Variants in IGF2R observed in about 807,000 individuals in gnomAD.
The protein encoded by IGF2R is insulin like growth factor 2 receptor.
A neutral mutation model predicts 270.6 loss-of-function variants in IGF2R; 91 were observed. The observed-to-expected ratio is 0.34, with a 90% CI of 0.28 to 0.40. The LOEUF is 0.40. Among genes scored for constraint, IGF2R ranks in the 10% least tolerant of loss-of-function variants. The pLI is 1.00. For missense variants in IGF2R, 2,805 were observed against 3,188.3 expected, an observed-to-expected ratio of 0.88 and a Z score of 2.90; for synonymous variants, 1,316 against 1,258.9, an observed-to-expected ratio of 1.05 and a Z score of -0.96.
chr6:160,073,093 A>G (rs1428805106), intron 33 of IGF2R, 120 bp from the exon 34 acceptor site: 1 of 1,428,050 alleles, frequency 7.0e-7, no homozygotes, highest in African/African-American at 1.4e-5. Flanking sequence ...GCCGGATTGG[A>G]CACTTGAAGT....
intron 4 of IGF2R, among the ~76,000 whole-genome samples, chr6:160,012,919 G>A (rs1413644477): frequency 5.9e-5 from 9 of 151,566 alleles, no homozygotes. Context: ...GAGCCCCTGC[G>A]CCTGGCCCCA....
chr6:160,053,997 G>C (rs184377302), intron 19 of IGF2R, among the ~76,000 whole-genome samples: 1 of 152,232 alleles, frequency 6.6e-6, no homozygotes, highest in Non-Finnish European at 1.5e-5. Context: ...GGGATTATAG[G>C]TATGAGCCAC....
At chr6:159,980,604 G>A in intron 1 of IGF2R, among the ~76,000 whole-genome samples, 1 of 152,182 alleles carries the variant, frequency 6.6e-6, no homozygotes, top group East Asian at 1.9e-4. Context: ...CACCTGATTG[G>A]CCTTTGTGAG....
chr6:160,030,936 A>G (rs1194583723), intron 7 of IGF2R, among the ~76,000 whole-genome samples: 1 of 150,662 alleles, frequency 6.6e-6, no homozygotes, highest in Admixed American at 6.6e-5. Flanking sequence ...CAATCCTCCC[A>G]CTTCAAGCAA....
chr6:159,977,353 G>T (rs940566658), intron 1 of IGF2R, among the ~76,000 whole-genome samples: 1 of 152,204 alleles, frequency 6.6e-6, no homozygotes, highest in Admixed American at 6.5e-5. Context: ...GTGCAGCTGC[G>T]TGGGGTAGGG....
Position 160,056,529 on chromosome 6 carries a change from C to T in IGF2R, c.2796+4C>T, listed in dbSNP as rs754452221. The T allele has an allele frequency of 1.6e-5, 25 of 1,592,562 alleles. No individual in the cohort carries two copies. Among genetic ancestry groups the T allele is most frequent in the East Asian group, 4.5e-5 (2 of 44,778 alleles). ...GACAACGACGGATACAGACCAGGTA[C>T]GTGTGCTTTCACCTGGCCCTCGTGC... On this transcript the variant is annotated splice_donor_region_variant and intron_variant, in intron 20 of 47. Transcript: ENST00000356956.
rs182060649 is a variant in IGF2R at position 160,096,097 on chromosome 6, C to T, written c.6656-342C>T. The stretch of plus-strand genomic sequence containing the variant: ...TCCTTGATTTGCATATTTAAAGTTC[C>T]TAAAATTGTAGCTTTTCCCTTCTTT... On this transcript the variant is annotated intron_variant, in intron 44 of 47. Transcript: ENST00000356956. The T allele has an allele frequency of 3.5e-3, 644 of 182,266 alleles. 3 individuals are homozygous for T. Among genetic ancestry groups the T allele is most frequent in the Admixed American group, 6.0e-3 (97 of 16,182 alleles). 11.3% of individuals were successfully genotyped at this position (182,266 alleles called of 1,614,324 possible).
chr6:160,024,519 C>T lies in IGF2R; in HGVS notation c.514-53C>T, dbSNP rs918367052. The stretch of plus-strand genomic sequence containing the variant: ...TGTGTGACATTGGTCATAAGCTTTT[C>T]TGATTGACCAAGATGTATACTGAAG... On this transcript the variant is annotated intron_variant, in intron 4 of 47. Transcript: ENST00000356956. 2.5e-6 allele frequency: 4 copies of T among 1,574,242 alleles called. No individual in the cohort carries two copies. In the African/African-American group the frequency reaches 5.4e-5, roughly 21 times the overall value.
chr6:159,997,149 C>T (rs573861128), intron 2 of IGF2R, among the ~76,000 whole-genome samples: 1 of 152,342 alleles, frequency 6.6e-6, no homozygotes, highest in Admixed American at 6.5e-5. Context: ...AGGCCACAAG[C>T]CATGCTCCTG....
rs1473386842 is a variant in IGF2R at position 160,060,847 on chromosome 6, A to C, written c.3262+130A>C. The C allele has an allele frequency of 2.4e-5, 19 of 777,702 alleles. No homozygotes were observed. The South Asian group carries it at 3.4e-4, about 14-fold the overall frequency. The allele number at this position is 777,702 out of a possible 1,614,324, so 48.2% of individuals were successfully genotyped here. On this transcript the variant is annotated intron_variant, in intron 23 of 47. Transcript: ENST00000356956. ...GGTGTGTATGCTTGGTTATGCAGGC[A>C]GCGTGACATTTCTGTTATATATTCT...
In IGF2R at chr6:160,048,351, A is replaced by G. The variant is rs778018715; in HGVS notation, c.2346-24A>G. The G allele has an allele frequency of 3.7e-6, 6 of 1,610,440 alleles. No homozygotes were observed. The Admixed American group carries it at 5.0e-5, about 13-fold the overall frequency. On this transcript the variant is annotated intron_variant, in intron 17 of 47. Coordinates refer to ENST00000356956, the MANE Select transcript of IGF2R (RefSeq NM_000876.4). Reference sequence around the variant, plus strand: ...AAATGTGTAAGCTCTTTAAAAGCATATACATTTTGCTTTGAAATTTTAGTC... The same window carrying G: ...AAATGTGTAAGCTCTTTAAAAGCATGTACATTTTGCTTTGAAATTTTAGTC...
At position 160,027,242 on chromosome 6, in the gene IGF2R, G is replaced by A. The variant is rs1346850204; in HGVS notation, c.704G>A (p.Cys235Tyr). The A allele has an allele frequency of 6.2e-7, 1 of 1,614,256 alleles. No homozygotes were observed. The highest frequency in any genetic ancestry group is 8.5e-7 in the Non-Finnish European group (1 of 1,180,054). Reference protein sequence around the residue: ...LRACPPGTAACLVRGHQAFDV... With the variant: ...LRACPPGTAAYLVRGHQAFDV... ...GCCTGTCCCCCCGGCACTGCCGCCT[G>A]CCTGGTAAGAGGACACCAGGCGTTT... is the stretch of plus-strand genomic sequence containing the variant. Residue 235 changes from cysteine (C) to tyrosine (Y), a missense_variant, in exon 6 of 48, where the codon TGC becomes TAC. Physicochemically the swap from Cys to Tyr is radical, Grantham distance 194 (BLOSUM62 -2). Around this residue, in one of 2 missense-constraint regions of IGF2R, gnomAD observed 954 missense variants for 981.1 expected, o/e 0.97. Coordinates refer to ENST00000356956, the MANE Select transcript of IGF2R (RefSeq NM_000876.4).
At chr6:160,046,750 G>A (rs1345250334) in intron 15 of IGF2R, 105 bp downstream of exon 15, 2 of 1,208,958 alleles carry the variant, frequency 1.7e-6, no homozygotes, top group Non-Finnish European at 2.3e-6. Flanking sequence ...TTTATGACAA[G>A]CATTTAAATA....
intron 3 of IGF2R, among the ~76,000 whole-genome samples, chr6:160,010,043 T>C (rs1784309154): frequency 6.6e-6 from 1 of 152,242 alleles, no homozygotes; most frequent in Non-Finnish European, 1.5e-5. Context: ...GAATAAAATA[T>C]ATAGCTCCTG....
intron 4 of IGF2R, among the ~76,000 whole-genome samples, chr6:160,021,656 T>TA (rs1288160271): frequency 0.013 from 1,813 of 140,398 alleles, 41 homozygotes; most frequent in African/African-American, 0.046. Flanking sequence ...TGGAACGTAA[T>TA]AAAAAAAAAC....
chr6:160,024,000 G>C lies in IGF2R; in HGVS notation c.514-572G>C, dbSNP rs112425507. Among the ~76,000 whole-genome samples the C allele has an allele frequency of 2.8e-3, 430 of 152,262 alleles. 4 individuals carry two copies. The highest frequency in any genetic ancestry group is 9.3e-3 in the African/African-American group (388 of 41,520). ...CACAGGAGAAGGGGTTTCATGAGGT[G>C]GAGAATGATCAGTAGCATCCAGTGC... On this transcript the variant is annotated intron_variant, in intron 4 of 47. Coordinates refer to ENST00000356956, the MANE Select transcript of IGF2R (RefSeq NM_000876.4).
chr6:159,991,217 T>G lies in IGF2R; in HGVS notation c.183T>G (p.Asn61Lys). 6.2e-7 allele frequency: 1 copy of G among 1,613,004 alleles called. No individual in the cohort carries two copies. The highest frequency in any genetic ancestry group is 8.5e-7 in the Non-Finnish European group (1 of 1,179,308). The stretch of plus-strand genomic sequence containing the variant: ...GGGAAGCTGTTGATACCAAAAATAA[T>G]GTACTTTATAAAATCAACATCTGTG... ...YTWEAVDTKN[N>K]VLYKINICGS... The change falls in exon 2 of 48, where the codon AAT becomes AAG. Residue 61 changes from asparagine to lysine, a missense_variant. Around this residue, in one of 2 missense-constraint regions of IGF2R, gnomAD observed 954 missense variants for 981.1 expected, o/e 0.97. Coordinates refer to ENST00000356956, the MANE Select transcript of IGF2R (RefSeq NM_000876.4).
intron 1 of IGF2R, among the ~76,000 whole-genome samples, chr6:159,978,995 C>G (rs112764602): frequency 1.3e-5 from 2 of 152,160 alleles, no homozygotes; most frequent in East Asian, 1.9e-4. Context: ...AGTACTGGCC[C>G]GAGCTCTGTT....
chr6:160,104,386 C>T (rs112139953), intron 47 of IGF2R, among the ~76,000 whole-genome samples: 15 of 151,916 alleles, frequency 9.9e-5, no homozygotes, highest in East Asian at 3.9e-4. Context: ...CAGGCCATCC[C>T]GAACGCCTTC....
Sources: allele counts gnomAD v4.1 joint callset (sites outside exome capture counted in the v4.1 genomes callset), GRCh38; gene constraint gnomAD v4.1.1; regional missense constraint gnomAD v4.1.1; transcripts MANE v1.5; gene names NCBI Gene and HGNC (gene_info 2026-07-23, HGNC 2026-07-21).